Variants in CYTH1 observed in about 807,000 individuals in gnomAD.
CYTH1 encodes cytohesin-1.
A neutral mutation model predicts 61.8 loss-of-function variants in CYTH1; 18 were observed. The ratio of observed to expected loss-of-function variants is 0.29; its 90% confidence interval spans 0.20 to 0.43. The LOEUF (loss-of-function observed/expected upper bound fraction) is 0.43, where lower values mean the gene tolerates loss of function less well. Ranked by LOEUF, CYTH1 falls within the 20% of genes least tolerant of loss-of-function variation. CYTH1 has a pLI of 1.00. For synonymous variants in CYTH1, 174 were observed against 184.3 expected, an observed-to-expected ratio of 0.94 and a Z score of 0.45; for missense variants, 336 against 510.5, an observed-to-expected ratio of 0.66 and a Z score of 3.29.
chr17:78,720,858 G>C (rs1567858871), intron 1 of CYTH1, among the ~76,000 whole-genome samples: 2 of 152,184 alleles, frequency 1.3e-5, no homozygotes, highest in Admixed American at 1.3e-4. Flanking sequence ...CTGGGCGACA[G>C]AGAAAGACCC....
chr17:78,777,148 G>A (rs1285345503), intron 1 of CYTH1, among the ~76,000 whole-genome samples: 3 of 144,472 alleles, frequency 2.1e-5, no homozygotes, highest in Admixed American at 6.9e-5. Context: ...AAATAAGGCC[G>A]GGCGCGGTGG....
chr17:78,711,320 C>CAT (rs2093130102), intron 1 of CYTH1, among the ~76,000 whole-genome samples: 2 of 150,256 alleles, frequency 1.3e-5, no homozygotes, highest in Non-Finnish European at 3.0e-5. Context: ...TATATACACA[C>CAT]ACACACACAC....
At chr17:78,728,202 T>C (rs1274567105) in intron 1 of CYTH1, among the ~76,000 whole-genome samples, 2 of 152,066 alleles carry the variant, frequency 1.3e-5, no homozygotes, top group Admixed American at 6.5e-5. Flanking sequence ...TGAGCAAAGG[T>C]AGAAAGACCC....
intron 11 of CYTH1, among the ~76,000 whole-genome samples, chr17:78,681,873 T>C (rs547102924): frequency 2.0e-5 from 3 of 151,074 alleles, no homozygotes; most frequent in African/African-American, 7.3e-5. Context: ...GTTCTATGAG[T>C]TCTCTAAAAG....
At chr17:78,755,422 C>T (rs2093396631) in intron 1 of CYTH1, among the ~76,000 whole-genome samples, 1 of 149,190 alleles carries the variant, frequency 6.7e-6, no homozygotes, top group Non-Finnish European at 1.5e-5. Context: ...CGTGAGCCAC[C>T]ACGCCCAGCC....
chr17:78,766,826 G>T (rs1170464069), intron 1 of CYTH1, among the ~76,000 whole-genome samples: 1 of 152,134 alleles, frequency 6.6e-6, no homozygotes, highest in Non-Finnish European at 1.5e-5. Flanking sequence ...ATGAAGAGGG[G>T]GGTGTGAATG....
intron 11 of CYTH1, among the ~76,000 whole-genome samples, chr17:78,686,305 T>C (rs140340241): frequency 2.6e-5 from 4 of 152,262 alleles, no homozygotes; most frequent in Non-Finnish European, 5.9e-5. Flanking sequence ...AAATAAGTTA[T>C]AATTCTATGA....
intron 3 of CYTH1, among the ~76,000 whole-genome samples, chr17:78,707,252 G>T (rs926373973): frequency 2.6e-5 from 4 of 152,166 alleles, no homozygotes; most frequent in African/African-American, 9.7e-5. Flanking sequence ...AAGCCAGACA[G>T]GAAGACTTAG....
At chr17:78,688,035 G>A (rs550785351) in intron 11 of CYTH1, among the ~76,000 whole-genome samples, 4 of 152,270 alleles carry the variant, frequency 2.6e-5, no homozygotes, top group African/African-American at 7.2e-5. Flanking sequence ...TAATGTGGTT[G>A]GTAATTTCAA....
chr17:78,706,709 A>G (rs2093070305), intron 3 of CYTH1, among the ~76,000 whole-genome samples: 3 of 152,234 alleles, frequency 2.0e-5, no homozygotes, highest in Admixed American at 2.0e-4. Flanking sequence ...TATTCTCACT[A>G]GCACTTGCCA....
intron 3 of CYTH1, among the ~76,000 whole-genome samples, chr17:78,707,169 G>A (rs2093076248): frequency 6.6e-6 from 1 of 152,154 alleles, no homozygotes; most frequent in Admixed American, 6.5e-5. Flanking sequence ...GCCTTCTGTG[G>A]AGGACTCAGC....
intron 1 of CYTH1, 127 bp from the exon 2 acceptor site, chr17:78,709,859 G>C: frequency 1.3e-6 from 1 of 751,886 alleles, no homozygotes; most frequent in South Asian, 1.8e-5. Context: ...AAATGACTGA[G>C]TGATAGAAAT....
At chr17:78,729,491 G>A (rs1438058914) in intron 1 of CYTH1, among the ~76,000 whole-genome samples, 4 of 152,154 alleles carry the variant, frequency 2.6e-5, no homozygotes, top group Admixed American at 6.5e-5. Flanking sequence ...CAGATGAGAC[G>A]AAATACTGTC....
chr17:78,721,595 C>T (rs2093229144), intron 1 of CYTH1, among the ~76,000 whole-genome samples: 1 of 152,226 alleles, frequency 6.6e-6, no homozygotes, highest in Non-Finnish European at 1.5e-5. Flanking sequence ...AGTGTTGGAG[C>T]CGTCTCATCT....
In CYTH1 at chr17:78,701,540, C is replaced by T. The variant is rs1046436597; in HGVS notation, c.437+131G>A. On this transcript the variant is annotated intron_variant, in intron 6 of 13. Coordinates refer to ENST00000446868, the MANE Select transcript of CYTH1 (RefSeq NM_004762.6). ...AGTCAGAGACCAATAGATTTCTTCC[C>T]TCCAAAATACTTCAAAATATTCAAA... 6 of 882,618 alleles carry T rather than the reference C, an allele frequency of 6.8e-6. No individual in the cohort carries two copies. The Admixed American group carries it at 1.3e-4, about 19-fold the overall frequency. The allele number at this position is 882,618 out of a possible 1,614,324, so 54.7% of individuals were successfully genotyped here. A position where few individuals can be genotyped will look rare whatever the true frequency, so the allele number is the denominator to read the frequency against.
chr17:78,701,428 C>G (rs531292504), intron 6 of CYTH1, among the ~76,000 whole-genome samples: 1 of 152,216 alleles, frequency 6.6e-6, no homozygotes, highest in South Asian at 2.1e-4. Flanking sequence ...TCTAAAACCT[C>G]AAATATAAGA....
At chr17:78,686,371 T>C (rs2092816549) in intron 11 of CYTH1, among the ~76,000 whole-genome samples, 1 of 152,228 alleles carries the variant, frequency 6.6e-6, no homozygotes, top group Admixed American at 6.5e-5. Context: ...TCTCACTTGT[T>C]TGAAGACGGA....
chr17:78,696,330 A>G (rs2092938096), intron 9 of CYTH1, among the ~76,000 whole-genome samples: 1 of 152,252 alleles, frequency 6.6e-6, no homozygotes, highest in African/African-American at 2.4e-5. Context: ...TTACTAGTAT[A>G]TCCAGAATCA....
intron 1 of CYTH1, among the ~76,000 whole-genome samples, chr17:78,739,870 A>G (rs1343674041): frequency 6.6e-6 from 1 of 152,186 alleles, no homozygotes; most frequent in Admixed American, 6.5e-5. Flanking sequence ...CGTGAGGTGT[A>G]AAAGAGAGAA....
Sources: gnomAD v4.1 joint callset for allele counts (sites outside exome capture counted in the v4.1 genomes callset) on GRCh38, gnomAD v4.1.1 for gene constraint, MANE v1.5 for transcripts, NCBI Gene and HGNC (gene_info 2026-07-23, HGNC 2026-07-21) for gene names.